LSAMP: variants seen among roughly 807,000 people sequenced by gnomAD.
LSAMP encodes limbic system-associated membrane protein.
A neutral mutation model predicts 38.6 loss-of-function variants in LSAMP; 7 were observed. The ratio of observed to expected loss-of-function variants is 0.18; its 90% CI spans 0.10 to 0.34. The LOEUF (loss-of-function observed/expected upper bound fraction) is 0.34, where lower values mean the gene tolerates loss of function less well. Ranked by LOEUF, LSAMP falls within the 10% of genes least tolerant of loss-of-function variation. The pLI, the probability that LSAMP is intolerant of heterozygous loss-of-function variation, is 1.00. For synonymous variants in LSAMP, 154 were observed against 166.8 expected (o/e 0.92, Z 0.59); for missense variants, 313 against 420.0 (o/e 0.75, Z 2.23).
chr3:116,059,426 A>G (rs11720648), intron 2 of LSAMP, among the ~76,000 whole-genome samples: 1,581 of 152,304 alleles, frequency 0.01, 10 homozygotes, highest in Non-Finnish European at 0.015. Context: ...AAGTTGGAAG[A>G]GTTGTGGCAG....
intron 3 of LSAMP, among the ~76,000 whole-genome samples, chr3:115,877,454 G>C (rs1936209149): frequency 6.6e-6 from 1 of 152,100 alleles, no homozygotes. Context: ...ATTTCAAAAT[G>C]AGTAGCTTTT....
At chr3:116,433,875 G>A (rs537364640) in intron 1 of LSAMP, among the ~76,000 whole-genome samples, 1 of 152,152 alleles carries the variant, frequency 6.6e-6, no homozygotes, top group Admixed American at 6.5e-5. Flanking sequence ...GTGATTCCTT[G>A]TTCTGTCAGA....
chr3:116,224,700 C>A (rs1214787605), intron 1 of LSAMP, among the ~76,000 whole-genome samples: 11 of 152,116 alleles, frequency 7.2e-5, no homozygotes, highest in Admixed American at 7.2e-4. Flanking sequence ...CAAGCTTATA[C>A]CAGTCAAAAG....
At chr3:116,038,857 T>G (rs1321449664) in intron 2 of LSAMP, among the ~76,000 whole-genome samples, 1 of 152,214 alleles carries the variant, frequency 6.6e-6, no homozygotes, top group African/African-American at 2.4e-5. Flanking sequence ...AGAGTTATAG[T>G]TGATTGAGAA....
intron 1 of LSAMP, among the ~76,000 whole-genome samples, chr3:116,281,442 A>G (rs938725050): frequency 2.0e-5 from 3 of 152,190 alleles, no homozygotes; most frequent in Non-Finnish European, 4.4e-5. Flanking sequence ...ATCATAACTG[A>G]TAAATGCAAA....
intron 3 of LSAMP, among the ~76,000 whole-genome samples, chr3:115,947,813 C>T (rs1200656260): frequency 1.3e-5 from 2 of 152,146 alleles, no homozygotes; most frequent in African/African-American, 4.8e-5. Flanking sequence ...ATGAGCCAGC[C>T]TCATGGGTAA....
chr3:115,995,845 T>G (rs1453290291), intron 3 of LSAMP, among the ~76,000 whole-genome samples: 1 of 152,044 alleles, frequency 6.6e-6, no homozygotes, highest in Non-Finnish European at 1.5e-5. Context: ...TGAGGAAACT[T>G]GTATATATTA....
chr3:116,207,266 C>G (rs2107601094), intron 1 of LSAMP, among the ~76,000 whole-genome samples: 1 of 152,280 alleles, frequency 6.6e-6, no homozygotes, highest in East Asian at 1.9e-4. Flanking sequence ...GGTAGATCTT[C>G]CTCCATCCTT....
intron 1 of LSAMP, among the ~76,000 whole-genome samples, chr3:116,212,474 C>T (rs566565256): frequency 6.6e-6 from 1 of 152,098 alleles, no homozygotes; most frequent in East Asian, 1.9e-4. Flanking sequence ...AGGATATTCA[C>T]TTTGCAATTT....
chr3:115,966,503 G>A (rs183957348), intron 3 of LSAMP, among the ~76,000 whole-genome samples: 1 of 152,228 alleles, frequency 6.6e-6, no homozygotes, highest in Admixed American at 6.5e-5. Context: ...TGCAAATTCT[G>A]TAGTCCCACA....
intron 3 of LSAMP, among the ~76,000 whole-genome samples, chr3:115,952,974 A>C (rs1938340360): frequency 1.3e-5 from 2 of 152,210 alleles, no homozygotes; most frequent in Admixed American, 6.5e-5. Flanking sequence ...CACTAGGCAA[A>C]GGCAATGTTA....
At chr3:116,015,186 A>C (rs948532848) in intron 3 of LSAMP, among the ~76,000 whole-genome samples, 1 of 152,180 alleles carries the variant, frequency 6.6e-6, no homozygotes. Context: ...CTCAGCCTAA[A>C]GGGTTAAATC....
intron 1 of LSAMP, among the ~76,000 whole-genome samples, chr3:116,272,527 A>G (rs1475790054): frequency 2.0e-5 from 3 of 152,184 alleles, no homozygotes; most frequent in East Asian, 1.9e-4. Flanking sequence ...GGGAGATGCA[A>G]TTTCTCAATG....
At chr3:115,819,302 G>A (rs969439419) in intron 6 of LSAMP, among the ~76,000 whole-genome samples, 2 of 152,000 alleles carry the variant, frequency 1.3e-5, no homozygotes, top group Admixed American at 1.3e-4. Context: ...GGGTGTGGTG[G>A]TACGTGTCTG....
intron 1 of LSAMP, among the ~76,000 whole-genome samples, chr3:116,118,153 A>C (rs560973299): frequency 6.6e-6 from 1 of 152,234 alleles, no homozygotes; most frequent in South Asian, 2.1e-4. Flanking sequence ...CAGTACAGAG[A>C]CCTTGTTTTC....
At chr3:116,208,274 G>A (rs2046098296) in intron 1 of LSAMP, among the ~76,000 whole-genome samples, 2 of 150,406 alleles carry the variant, frequency 1.3e-5, no homozygotes, top group South Asian at 2.1e-4. Flanking sequence ...GCACTTCTCT[G>A]TATTGGTTAT....
intron 6 of LSAMP, among the ~76,000 whole-genome samples, chr3:115,813,101 T>G (rs1933892734): frequency 6.6e-6 from 1 of 152,134 alleles, no homozygotes; most frequent in Admixed American, 6.6e-5. Context: ...TATTTTCACG[T>G]GCTATTCTAT....
At chr3:115,825,091 A>G (rs77620064) in intron 6 of LSAMP, among the ~76,000 whole-genome samples, 1 of 152,356 alleles carries the variant, frequency 6.6e-6, no homozygotes, top group African/African-American at 2.4e-5. Context: ...AAACCATTCA[A>G]ATAACATGAA....
chr3:116,259,242 T>G (rs566371021), intron 1 of LSAMP, among the ~76,000 whole-genome samples: 1 of 152,184 alleles, frequency 6.6e-6, no homozygotes, highest in Admixed American at 6.5e-5. Context: ...ACAGTGCACA[T>G]GCCTCAATCA....
Sources: allele counts gnomAD v4.1 joint callset (sites outside exome capture counted in the v4.1 genomes callset), GRCh38; gene constraint gnomAD v4.1.1; transcripts MANE v1.5; gene names NCBI Gene and HGNC (gene_info 2026-07-23, HGNC 2026-07-21).